Variants in NPAS3 observed in about 807,000 individuals in gnomAD.
NPAS3 encodes the protein neuronal PAS domain-containing protein 3.
Under a neutral mutation model 73.1 loss-of-function variants are expected in NPAS3, and 14 were observed. The ratio of observed to expected loss-of-function variants is 0.19; its 90% CI spans 0.13 to 0.30. The LOEUF is 0.30. NPAS3 is among the 10% of genes least tolerant of loss of function. The probability of loss-of-function intolerance (pLI) is 1.00; values close to 1 mark genes in which losing one functional copy is unlikely to be tolerated. For missense variants in NPAS3, 1,096 were observed against 1,250.0 expected (o/e 0.88, Z 1.86); for synonymous variants, 620 against 541.5 (o/e 1.14, Z -2.01).
chr14:33,061,151 G>C (rs917217751), intron 2 of NPAS3, among the ~76,000 whole-genome samples: 1 of 152,204 alleles, frequency 6.6e-6, no homozygotes. Flanking sequence ...CAGGCGCCTT[G>C]TCAGGGATTC....
chr14:33,346,412 C>T (rs1191160838), intron 3 of NPAS3, among the ~76,000 whole-genome samples: 3 of 151,096 alleles, frequency 2.0e-5, no homozygotes, highest in Admixed American at 6.6e-5. Context: ...GCCTATAGTC[C>T]CAGCTACTTG....
chr14:33,452,975 G>T (rs750964239), intron 4 of NPAS3, among the ~76,000 whole-genome samples: 2 of 152,010 alleles, frequency 1.3e-5, no homozygotes, highest in Non-Finnish European at 2.9e-5. Flanking sequence ...AGGAAATTAG[G>T]TATCCGAGAA....
chr14:32,975,301 C>CCTCCCTTCCTCCATCA (rs10639233), intron 1 of NPAS3, among the ~76,000 whole-genome samples: 8 of 116,296 alleles, frequency 6.9e-5, no homozygotes, highest in South Asian at 6.5e-4. Flanking sequence ...TCCCTCCCTC[C>CCTCCCTTCCTCCATCA]CTCCCTGCCT....
intron 4 of NPAS3, among the ~76,000 whole-genome samples, chr14:33,501,117 T>A (rs1012112084): frequency 1.3e-5 from 2 of 151,980 alleles, no homozygotes; most frequent in African/African-American, 2.4e-5. Flanking sequence ...TCCTTGAAAA[T>A]AAATCCTTAC....
intron 2 of NPAS3, among the ~76,000 whole-genome samples, chr14:33,128,177 G>T (rs2043500222): frequency 6.6e-6 from 1 of 152,100 alleles, no homozygotes. Flanking sequence ...TACTGTTTTT[G>T]GTGGAAGGTT....
intron 4 of NPAS3, among the ~76,000 whole-genome samples, chr14:33,382,295 C>G (rs189583853): frequency 2.6e-5 from 4 of 152,098 alleles, no homozygotes; most frequent in Admixed American, 6.5e-5. Context: ...AACCTTGAGA[C>G]CTTTAACTCA....
At position 33,263,552 on chromosome 14, in the gene NPAS3, G is replaced by A. The variant is rs931422291; in HGVS notation, c.385+48126G>A. On this transcript the variant is annotated intron_variant, in intron 3 of 11. Transcript: ENST00000356141. Reference sequence around the variant, plus strand: ...GTAGTATAGTTTGAAGTCAGGTAGCGTGATGCCTCCAGCTTTGTTCTTTTG... The same window carrying A: ...GTAGTATAGTTTGAAGTCAGGTAGCATGATGCCTCCAGCTTTGTTCTTTTG... Among the ~76,000 whole-genome samples, 29 of 152,246 alleles carry A rather than the reference G, an allele frequency of 1.9e-4. 1 individual carries two copies. In the East Asian group the frequency reaches 3.3e-3, roughly 17 times the overall value.
intron 4 of NPAS3, among the ~76,000 whole-genome samples, chr14:33,482,522 T>C (rs981713225): frequency 6.6e-6 from 1 of 152,150 alleles, no homozygotes; most frequent in Non-Finnish European, 1.5e-5. Context: ...GTGGTGGAGA[T>C]AGGAGATGAC....
chr14:33,084,864 TC>T (rs991981784), intron 2 of NPAS3, among the ~76,000 whole-genome samples: 2 of 152,164 alleles, frequency 1.3e-5, no homozygotes, highest in Non-Finnish European at 2.9e-5. Context: ...CAGTGTTTAT[TC>T]CTTGGGAAGA....
intron 1 of NPAS3, among the ~76,000 whole-genome samples, chr14:32,988,980 G>T (rs1233594012): frequency 1.3e-5 from 2 of 152,198 alleles, no homozygotes; most frequent in Non-Finnish European, 2.9e-5. Context: ...AGATGAGCTA[G>T]ACATGGTATC....
At chr14:33,279,038 GTTC>G (rs2041467922) in intron 3 of NPAS3, among the ~76,000 whole-genome samples, 3 of 152,242 alleles carry the variant, frequency 2.0e-5, no homozygotes, top group Non-Finnish European at 4.4e-5. Context: ...AGTACCAGTG[GTTC>G]TCAAACTTCA....
chr14:33,601,378 A>G (rs1046974988), intron 5 of NPAS3, among the ~76,000 whole-genome samples: 3 of 152,352 alleles, frequency 2.0e-5, no homozygotes, highest in African/African-American at 7.2e-5. Context: ...ACAGCCCTTG[A>G]TTCACTGTTC....
chr14:33,746,807 A>G (rs192801145), intron 7 of NPAS3, among the ~76,000 whole-genome samples: 1,757 of 152,138 alleles, frequency 0.012, 15 homozygotes, highest in Middle Eastern at 0.051. Flanking sequence ...GGTTAGTTAC[A>G]TATGTATACA....
At chr14:32,981,091 G>A (rs1259495994) in intron 1 of NPAS3, among the ~76,000 whole-genome samples, 2 of 152,154 alleles carry the variant, frequency 1.3e-5, no homozygotes, top group Non-Finnish European at 2.9e-5. Flanking sequence ...TCAGCCAGGA[G>A]TTAGCAGTGA....
chr14:33,631,212 G>A (rs772441916), intron 5 of NPAS3, among the ~76,000 whole-genome samples: 3 of 152,116 alleles, frequency 2.0e-5, no homozygotes, highest in Non-Finnish European at 4.4e-5. Flanking sequence ...GATCTCCACT[G>A]CAGCCAAGTC....
At chr14:33,269,739 T>C (rs2040983510) in intron 3 of NPAS3, among the ~76,000 whole-genome samples, 1 of 152,138 alleles carries the variant, frequency 6.6e-6, no homozygotes, top group South Asian at 2.1e-4. Context: ...AAAAGCTTTA[T>C]TCGTATTTTC....
At chr14:33,270,045 A>G (rs1349668981) in intron 3 of NPAS3, among the ~76,000 whole-genome samples, 1 of 151,978 alleles carries the variant, frequency 6.6e-6, no homozygotes, top group East Asian at 1.9e-4. Flanking sequence ...AGGGCAGGGG[A>G]AGGACAGCCT....
intron 1 of NPAS3, among the ~76,000 whole-genome samples, chr14:32,952,294 G>A (rs1490410553): frequency 6.6e-6 from 1 of 152,032 alleles, no homozygotes; most frequent in Non-Finnish European, 1.5e-5. Flanking sequence ...ATGTTATAAT[G>A]TGTACTAGAC....
intron 4 of NPAS3, among the ~76,000 whole-genome samples, chr14:33,492,736 C>T (rs1281705336): frequency 6.6e-6 from 1 of 152,182 alleles, no homozygotes; most frequent in Non-Finnish European, 1.5e-5. Context: ...CCCTGTGGCC[C>T]TCCCAGAGGA....
Sources: gnomAD v4.1 joint callset for allele counts (sites outside exome capture counted in the v4.1 genomes callset) on GRCh38, gnomAD v4.1.1 for gene constraint, MANE v1.5 for transcripts, NCBI Gene and HGNC (gene_info 2026-07-23, HGNC 2026-07-21) for gene names.